Variants in BRWD1 observed in about 807,000 individuals in gnomAD.
BRWD1 encodes bromodomain and WD repeat-containing protein 1.
In BRWD1, 82 loss-of-function variants were observed where a neutral mutation model predicts 251.2. The observed-to-expected ratio is 0.33, with a 90% CI of 0.27 to 0.39. The LOEUF is 0.39. BRWD1 is among the 10% of genes least tolerant of loss of function. The probability of loss-of-function intolerance (pLI) is 1.00; values close to 1 mark genes in which losing one functional copy is unlikely to be tolerated. For synonymous variants in BRWD1, 918 were observed against 902.8 expected (o/e 1.02, Z -0.30); for missense variants, 2,233 against 2,711.6 (o/e 0.82, Z 3.92).
rs1267649017 is a variant in BRWD1, at chr21:39,186,815, C to CAGACT, written c.*9439_*9443dup. On this transcript the variant is annotated 3_prime_UTR_variant, in exon 41 of 41. Coordinates refer to ENST00000342449, the MANE Select transcript of BRWD1 (RefSeq NM_033656.4). ...TCTTTTCTTTCCACCTCTCCACCTA[C>CAGACT]AGACTCTGCAATTTATTTCCTCCTC... 25 of 715,116 alleles carry CAGACT rather than the reference C, an allele frequency of 3.5e-5. No homozygotes were observed. Among genetic ancestry groups the CAGACT allele is most frequent in the Non-Finnish European group, 4.4e-5 (22 of 496,238 alleles). The allele number at this position is 715,116 out of a possible 1,614,324, so 44.3% of individuals were successfully genotyped here.
At position 39,188,262 on chromosome 21, in the gene BRWD1, A is replaced by G. The variant is rs2031357419; in HGVS notation, c.*7997T>C. On this transcript the variant is annotated 3_prime_UTR_variant, in exon 41 of 41. Coordinates refer to ENST00000342449, the MANE Select transcript of BRWD1 (RefSeq NM_033656.4). The stretch of plus-strand genomic sequence containing the variant: ...GCAGCCATGAACAGTCAAACTATCT[A>G]AAACTGCCTTCATGGTACACACCAA... 1.0e-6 allele frequency: 1 copy of G among 985,284 alleles called. No individual in the cohort carries two copies. 61.0% of individuals were successfully genotyped at this position (985,284 alleles called of 1,614,324 possible). A position where few individuals can be genotyped will look rare whatever the true frequency, so the allele number is the denominator to read the frequency against.
intron 7 of BRWD1, 22 bp from the exon 8 acceptor site, chr21:39,294,054 A>G: frequency 6.3e-7 from 1 of 1,588,854 alleles, no homozygotes; most frequent in Non-Finnish European, 8.6e-7. Context: ...TATATCCAAA[A>G]ATTAATGTTA....
Position 39,294,006 on chromosome 21 carries a change from A to G in BRWD1, c.636T>C (p.Ile212=), listed in dbSNP as rs150276787. Reference sequence around the variant, plus strand: ...ACAAGCGGCCATTATGTGTTGACCAAATCTTTACCAAACAGTCATCTGAAC... The same window carrying G: ...ACAAGCGGCCATTATGTGTTGACCAGATCTTTACCAAACAGTCATCTGAAC... ...FTGSDDCLVK[I]WSTHNGRLLS... Residue 212 remains isoleucine (I), a synonymous_variant, in exon 8 of 41, where the codon ATT becomes ATC. Coordinates refer to ENST00000342449, the MANE Select transcript of BRWD1 (RefSeq NM_033656.4). 3.7e-6 allele frequency: 6 copies of G among 1,614,052 alleles called. No homozygotes were observed. In the African/African-American group the frequency reaches 6.7e-5, roughly 18 times the overall value.
At chr21:39,197,906 CAT>C (rs1175123950) in intron 40 of BRWD1, among the ~76,000 whole-genome samples, 5 of 152,194 alleles carry the variant, frequency 3.3e-5, no homozygotes, top group East Asian at 3.8e-4. Flanking sequence ...TTATGCAGCA[CAT>C]GACTGTACTT....
At chr21:39,299,800 T>A (rs1242799426) in intron 4 of BRWD1, among the ~76,000 whole-genome samples, 1 of 115,140 alleles carries the variant, frequency 8.7e-6, no homozygotes. Context: ...AATGGTGACA[T>A]CCCATCTCTA....
chr21:39,236,789 A>C lies in BRWD1; in HGVS notation c.2577-5T>G. The C allele has an allele frequency of 6.2e-7, 1 of 1,611,518 alleles. No homozygotes were observed. The highest frequency in any genetic ancestry group is 8.5e-7 in the Non-Finnish European group (1 of 1,179,054). On this transcript the variant is annotated splice_polypyrimidine_tract_variant and splice_region_variant and intron_variant, in intron 22 of 40. Coordinates refer to ENST00000342449, the MANE Select transcript of BRWD1 (RefSeq NM_033656.4). Reference sequence around the variant, plus strand: ...GAATATCTAGATGAAGAGTCACTAGAAAAGGGGAGTGCTTTCAGTTGAATG... The same window carrying C: ...GAATATCTAGATGAAGAGTCACTAGCAAAGGGGAGTGCTTTCAGTTGAATG...
At chr21:39,274,298 A>C in intron 13 of BRWD1, 76 bp downstream of exon 13, 7 of 1,028,434 alleles carry the variant, frequency 6.8e-6, no homozygotes, top group Non-Finnish European at 1.0e-5. Flanking sequence ...TGAGAGACAC[A>C]GAGAGCGAGA....
At chr21:39,257,933 T>G (rs180792450) in intron 18 of BRWD1, among the ~76,000 whole-genome samples, 3 of 152,196 alleles carry the variant, frequency 2.0e-5, no homozygotes, top group Non-Finnish European at 2.9e-5. Flanking sequence ...CAAAGTCTTA[T>G]GCTGTAAGTT....
intron 15 of BRWD1, among the ~76,000 whole-genome samples, chr21:39,266,166 T>C (rs2034914376): frequency 6.6e-6 from 1 of 152,186 alleles, no homozygotes; most frequent in Non-Finnish European, 1.5e-5. Context: ...GATACTTCAC[T>C]ATTGTTGCAC....
intron 4 of BRWD1, among the ~76,000 whole-genome samples, chr21:39,299,906 T>C (rs970263314): frequency 6.6e-6 from 1 of 151,686 alleles, no homozygotes; most frequent in Non-Finnish European, 1.5e-5. Flanking sequence ...CACTTGAACC[T>C]GGGAGGCGGA....
chr21:39,255,104 T>C (rs1315611874), intron 19 of BRWD1, among the ~76,000 whole-genome samples: 1 of 152,154 alleles, frequency 6.6e-6, no homozygotes, highest in Non-Finnish European at 1.5e-5. Flanking sequence ...AGTGGGTGTG[T>C]GTGTGCATGG....
intron 5 of BRWD1, chr21:39,297,696 T>C: frequency 3.5e-6 from 1 of 286,306 alleles, no homozygotes. Context: ...TCAGTTAAGC[T>C]TTATACTGGT....
chr21:39,213,897 G>T (rs1176594339), intron 32 of BRWD1, among the ~76,000 whole-genome samples: 1 of 150,014 alleles, frequency 6.7e-6, no homozygotes, highest in African/African-American at 2.4e-5. Flanking sequence ...GAAAACAGTT[G>T]ATTTAAGGTA....
chr21:39,250,786 T>C lies in BRWD1; in HGVS notation c.2349+10A>G. On this transcript the variant is annotated intron_variant, in intron 20 of 40. Transcript: ENST00000342449. ...TTTCTAATTTGCTAAGAAAACAGAA[T>C]TTAGGTTACCTTATGTGAGAGCTGA... 1 of 1,514,450 alleles carries C rather than the reference T, an allele frequency of 6.6e-7. No homozygotes were observed. The allele number at this position is 1,514,450 out of a possible 1,614,324, so 93.8% of individuals were successfully genotyped here.
In BRWD1 at chr21:39,210,850, T is replaced by C. The variant is rs1262002119; in HGVS notation, c.3980A>G (p.Asn1327Ser). The change falls in exon 35 of 41, where the codon AAC becomes AGC. Residue 1327 changes from asparagine (N) to serine (S), a missense_variant. Asn to Ser is a conservative substitution (Grantham distance 46). Coordinates refer to ENST00000342449, the MANE Select transcript of BRWD1 (RefSeq NM_033656.4). ...NWKKQCKELV[N>S]LIFQCEDSEP... ...AGAATCTTCACACTGAAAAATTAAG[T>C]TCACTAGTTCCTTACACTGTTTCTT... 2.5e-6 allele frequency: 4 copies of C among 1,612,628 alleles called. No homozygotes were observed. In the Admixed American group the frequency reaches 6.7e-5, roughly 27 times the overall value.
chr21:39,283,933 T>C (rs372717461), intron 8 of BRWD1, among the ~76,000 whole-genome samples: 1 of 152,200 alleles, frequency 6.6e-6, no homozygotes, highest in Non-Finnish European at 1.5e-5. Context: ...CTAAAAGTCT[T>C]CTTTGGCCTA....
Position 39,194,670 on chromosome 21 carries a change from C to A in BRWD1, c.*1589G>T, listed in dbSNP as rs1039325363. On this transcript the variant is annotated 3_prime_UTR_variant, in exon 41 of 41. Coordinates refer to ENST00000342449, the MANE Select transcript of BRWD1 (RefSeq NM_033656.4). ...AGATAACTACAAAATAGGAACACTT[C>A]AGAACATTCTCTAACATTAATACCA... 8 of 1,534,230 alleles carry A rather than the reference C, an allele frequency of 5.2e-6. No individual in the cohort carries two copies. The African/African-American group carries it at 1.1e-4, about 21-fold the overall frequency.
chr21:39,304,432 G>T (rs916516645), intron 4 of BRWD1, among the ~76,000 whole-genome samples: 1 of 138,178 alleles, frequency 7.2e-6, no homozygotes, highest in Non-Finnish European at 1.7e-5. Flanking sequence ...GCCATATAGT[G>T]AGACAGTCTC....
At position 39,258,616 on chromosome 21, in the gene BRWD1, G is replaced by A. The variant is rs778720112; in HGVS notation, c.1942C>T (p.Arg648Cys). 1.2e-6 allele frequency: 2 copies of A among 1,611,310 alleles called. No homozygotes were observed. The highest frequency in any genetic ancestry group is 1.1e-5 in the South Asian group (1 of 90,690). The change falls in exon 18 of 41, where the codon CGC becomes TGC. Residue 648 changes from arginine to cysteine, a missense_variant. Around this residue, in one of 12 missense-constraint regions of BRWD1, gnomAD observed 73 missense variants for 68.1 expected, o/e 1.07. Coordinates refer to ENST00000342449, the MANE Select transcript of BRWD1 (RefSeq NM_033656.4). Reference protein sequence around the residue: ...ISLQTNDNDERSPESSILDGM... With the variant: ...ISLQTNDNDECSPESSILDGM... ...TCAAGAATACTCGATTCTGGGCTGC[G>A]TTCATCATTATCATTGGTTTGCAGG...
Sources: allele counts gnomAD v4.1 joint callset (sites outside exome capture counted in the v4.1 genomes callset), GRCh38; gene constraint gnomAD v4.1.1; regional missense constraint gnomAD v4.1.1; transcripts MANE v1.5; gene names NCBI Gene and HGNC (gene_info 2026-07-23, HGNC 2026-07-21).